The following CADPS2 variants were observed in gnomAD, a reference collection of about 807,000 sequenced individuals.
The protein encoded by CADPS2 is calcium dependent secretion activator 2.
Under a neutral mutation model 172.5 loss-of-function variants are expected in CADPS2, and 93 were observed. The ratio of observed to expected loss-of-function variants is 0.54; its 90% CI spans 0.46 to 0.64. The LOEUF is 0.64. Ranked by LOEUF, CADPS2 falls within the 30% of genes least tolerant of loss-of-function variation. CADPS2 has a pLI of 0.00. For synonymous variants in CADPS2, 546 were observed against 555.2 expected, an observed-to-expected ratio of 0.98 and a Z score of 0.23; for missense variants, 1,420 against 1,565.9, an observed-to-expected ratio of 0.91 and a Z score of 1.57.
At chr7:122,394,270 T>TG (rs1192575467) in intron 20 of CADPS2, among the ~76,000 whole-genome samples, 9 of 152,196 alleles carry the variant, frequency 5.9e-5, no homozygotes, top group African/African-American at 2.2e-4. Flanking sequence ...ACAAGGCTGC[T>TG]GGGCAAGGTA....
chr7:122,528,107 ATTAGTGGTGGTGGTGGTGGTGGTG>A (rs1288018669), intron 8 of CADPS2, among the ~76,000 whole-genome samples: 2 of 119,514 alleles, frequency 1.7e-5, no homozygotes, highest in Non-Finnish European at 3.4e-5. Context: ...AGATGAAGGC[ATTAGTGGTGGTGGTGGTGGTGGTG>A]GTGGTGGTGG....
intron 23 of CADPS2, among the ~76,000 whole-genome samples, chr7:122,387,377 T>C (rs1276596008): frequency 6.6e-6 from 1 of 152,084 alleles, no homozygotes; most frequent in Non-Finnish European, 1.5e-5. Flanking sequence ...TATTTTTATA[T>C]TAAGCCTAGC....
chr7:122,426,415 A>G (rs2049180343), intron 17 of CADPS2, among the ~76,000 whole-genome samples: 3 of 152,026 alleles, frequency 2.0e-5, no homozygotes, highest in African/African-American at 7.3e-5. Context: ...TGCCTCATGG[A>G]TATTTTAAAG....
At chr7:122,575,581 T>C (rs113728942) in intron 7 of CADPS2, among the ~76,000 whole-genome samples, 269 of 151,810 alleles carry the variant, frequency 1.8e-3, no homozygotes, top group African/African-American at 6.1e-3. Flanking sequence ...GGATTACAGG[T>C]GTGCACCACC....
chr7:122,491,272 A>G (rs370020075), intron 10 of CADPS2, 40 bp downstream of exon 10: 47 of 1,317,620 alleles, frequency 3.6e-5, no homozygotes, highest in Admixed American at 1.4e-4. Context: ...AATTCCATGC[A>G]TACATACATG....
intron 1 of CADPS2, among the ~76,000 whole-genome samples, chr7:122,762,613 A>G (rs1312345019): frequency 6.6e-6 from 1 of 152,178 alleles, no homozygotes; most frequent in Non-Finnish European, 1.5e-5. Flanking sequence ...CAAAATCAAG[A>G]ATTTAAAAAG....
chr7:122,760,406 G>A (rs1182810368), intron 1 of CADPS2, among the ~76,000 whole-genome samples: 3 of 151,906 alleles, frequency 2.0e-5, no homozygotes. Context: ...CTCACTAAAA[G>A]TAAACATTTT....
intron 2 of CADPS2, among the ~76,000 whole-genome samples, chr7:122,686,963 G>A (rs568874651): frequency 1.3e-5 from 2 of 152,190 alleles, no homozygotes; most frequent in Admixed American, 1.3e-4. Context: ...GGGATTACAG[G>A]GGTGAGCCAC....
intron 20 of CADPS2, among the ~76,000 whole-genome samples, chr7:122,402,193 C>T (rs2046038975): frequency 6.6e-6 from 1 of 152,152 alleles, no homozygotes; most frequent in Admixed American, 6.5e-5. Context: ...TTAACCAACT[C>T]CTTTCCTCTG....
chr7:122,681,508 C>G, intron 2 of CADPS2: 1 of 1,460,364 alleles, frequency 6.8e-7, no homozygotes, highest in Admixed American at 1.7e-5. Flanking sequence ...TATGTGCTTC[C>G]CAAGCTGTAT....
chr7:122,407,495 C>T (rs751699895), intron 20 of CADPS2, 45 bp downstream of exon 20: 1 of 1,575,114 alleles, frequency 6.3e-7, no homozygotes, highest in Non-Finnish European at 8.7e-7. Context: ...CAACATTCTC[C>T]CACCCCTCCC....
chr7:122,467,304 G>A (rs938592130), intron 14 of CADPS2, among the ~76,000 whole-genome samples: 7 of 152,116 alleles, frequency 4.6e-5, no homozygotes, highest in Non-Finnish European at 1.0e-4. Flanking sequence ...AGAATTAAGT[G>A]AACACTTTTG....
chr7:122,394,643 A>G (rs991321274), intron 20 of CADPS2, among the ~76,000 whole-genome samples: 1 of 152,074 alleles, frequency 6.6e-6, no homozygotes, highest in Admixed American at 6.6e-5. Flanking sequence ...GGGAAGGAAT[A>G]AGCTTGGGTC....
intron 8 of CADPS2, among the ~76,000 whole-genome samples, chr7:122,552,065 C>T (rs78748359): frequency 0.19 from 29,395 of 152,028 alleles, 3,036 homozygotes; most frequent in East Asian, 0.34. Context: ...GAAAACAGAA[C>T]AGATGCTTAG....
At chr7:122,501,063 T>C (rs1031434131) in intron 9 of CADPS2, among the ~76,000 whole-genome samples, 1 of 151,840 alleles carries the variant, frequency 6.6e-6, no homozygotes, top group African/African-American at 2.4e-5. Flanking sequence ...AAGACTAGCG[T>C]AGGCAACTAA....
At chr7:122,837,890 A>G (rs1456041240) in intron 1 of CADPS2, among the ~76,000 whole-genome samples, 2 of 152,218 alleles carry the variant, frequency 1.3e-5, no homozygotes, top group Non-Finnish European at 2.9e-5. Context: ...AACTATTCCA[A>G]TCAACAGAAA....
intron 3 of CADPS2, among the ~76,000 whole-genome samples, chr7:122,659,976 C>T (rs1324398121): frequency 6.6e-6 from 1 of 152,118 alleles, no homozygotes; most frequent in African/African-American, 2.4e-5. Flanking sequence ...TGCATCACCA[C>T]TAGTCTTGGC....
chr7:122,399,644 T>C (rs1585630443), intron 20 of CADPS2, among the ~76,000 whole-genome samples: 2 of 140,852 alleles, frequency 1.4e-5, no homozygotes, highest in Admixed American at 7.2e-5. Flanking sequence ...TCGATAACTC[T>C]CTCAAGGGTG....
At chr7:122,774,269 T>TACACAC (rs56843003) in intron 1 of CADPS2, among the ~76,000 whole-genome samples, 181 of 143,060 alleles carry the variant, frequency 1.3e-3, no homozygotes, top group Middle Eastern at 0.011. Context: ...TAGATAGATA[T>TACACAC]ACACACACAC....
Sources: gnomAD v4.1 joint callset for allele counts (sites outside exome capture counted in the v4.1 genomes callset) on GRCh38, gnomAD v4.1.1 for gene constraint, MANE v1.5 for transcripts, NCBI Gene and HGNC (gene_info 2026-07-23, HGNC 2026-07-21) for gene names.